Variants in SCRIB observed in about 807,000 individuals in gnomAD.
SCRIB encodes protein scribble homolog.
Under a neutral mutation model 170.0 loss-of-function variants are expected in SCRIB, and 72 were observed. That is an observed-to-expected ratio of 0.42 (90% CI 0.35 to 0.52). The LOEUF (loss-of-function observed/expected upper bound fraction) is 0.52, where lower values mean the gene tolerates loss of function less well. Among genes scored for constraint, SCRIB ranks in the 20% least tolerant of loss-of-function variants. SCRIB has a pLI of 0.02. For missense variants in SCRIB, 2,475 were observed against 2,338.5 expected, an observed-to-expected ratio of 1.06 and a Z score of -1.20; for synonymous variants, 1,298 against 1,044.3, an observed-to-expected ratio of 1.24 and a Z score of -4.68.
rs1816046413 is a variant in SCRIB at position 143,815,449 on chromosome 8, G to A, written c.-77C>T. 5 of 1,148,346 alleles carry A rather than the reference G, an allele frequency of 4.4e-6. No individual in the cohort carries two copies. Among genetic ancestry groups the A allele is most frequent in the Non-Finnish European group, 5.4e-6 (5 of 934,352 alleles). 71.1% of individuals were successfully genotyped at this position (1,148,346 alleles called of 1,614,324 possible). A position where few individuals can be genotyped will look rare whatever the true frequency, so the allele number is the denominator to read the frequency against. ...CCGGGGGGCGGGGCTCAGTCCGCATGGGCGCCGCGCATGGGGAGGGGGCGC... is the reference window on the plus strand; with the variant it reads ...CCGGGGGGCGGGGCTCAGTCCGCATAGGCGCCGCGCATGGGGAGGGGGCGC... On this transcript the variant is annotated 5_prime_UTR_variant, in exon 1 of 37. Transcript: ENST00000356994.
At chr8:143,814,751 C>A in intron 1 of SCRIB, 1 of 169,374 alleles carries the variant, frequency 5.9e-6, no homozygotes, top group Non-Finnish European at 1.3e-5. Flanking sequence ...AGCACCTGAC[C>A]ACGAGAAGCA....
chr8:143,791,968 C>A, intron 33 of SCRIB, 23 bp downstream of exon 33: 3 of 1,488,202 alleles, frequency 2.0e-6, no homozygotes, highest in Non-Finnish European at 2.7e-6. Flanking sequence ...GCTGACCCCC[C>A]CGACCTGCCC....
Position 143,812,262 on chromosome 8 carries a change from C to G in SCRIB, c.906+4G>C. ...TCCTTTCTGCCTCCCAAGCCAGACC[C>G]TACCATCAGCAGGTTCTCCGTGAGG... On this transcript the variant is annotated splice_donor_region_variant and intron_variant, in intron 9 of 36. Coordinates refer to ENST00000356994, the MANE Select transcript of SCRIB (RefSeq NM_182706.5). 1 of 1,589,992 alleles carries G rather than the reference C, an allele frequency of 6.3e-7. No homozygotes were observed. The highest frequency in any genetic ancestry group is 8.6e-7 in the Non-Finnish European group (1 of 1,158,092).
intron 24 of SCRIB, among the ~76,000 whole-genome samples, chr8:143,800,077 C>A (rs1815112585): frequency 7.3e-6 from 1 of 136,798 alleles, no homozygotes; most frequent in Admixed American, 7.7e-5. Flanking sequence ...ACAGATGGAC[C>A]TGTGGGAGCA....
intron 1 of SCRIB, 88 bp from the exon 2 acceptor site, chr8:143,814,206 A>G (rs2130159480): frequency 8.9e-7 from 1 of 1,117,716 alleles, no homozygotes; most frequent in African/African-American, 1.5e-5. Flanking sequence ...ACAAGTCAAG[A>G]GTCCCTAGGC....
chr8:143,808,817 C>T lies in SCRIB; in HGVS notation c.1907G>A (p.Gly636Glu). The T allele has an allele frequency of 6.2e-7, 1 of 1,612,164 alleles. No homozygotes were observed. Among genetic ancestry groups the T allele is most frequent in the East Asian group, 2.2e-5 (1 of 44,864 alleles). Residue 636 changes from glycine (G) to glutamate (E), a missense_variant, in exon 15 of 37, where the codon GGG becomes GAG. Coordinates refer to ENST00000356994, the MANE Select transcript of SCRIB (RefSeq NM_182706.5). ...VALLQGMQPD[G>E]EGPVAPGGWH... is the part of the protein sequence containing the mutation. ...GCCCCCGGGAGCCACAGGGCCCTCCCCATCAGGCTGCATGCCCTGCAGCAG... is the reference window on the plus strand; with the variant it reads ...GCCCCCGGGAGCCACAGGGCCCTCCTCATCAGGCTGCATGCCCTGCAGCAG...
Position 143,792,520 on chromosome 8 carries a change from C to T in SCRIB, c.4293G>A (p.Glu1431=). 3 of 1,555,872 alleles carry T rather than the reference C, an allele frequency of 1.9e-6. No individual in the cohort carries two copies. Among genetic ancestry groups the T allele is most frequent in the Non-Finnish European group, 1.7e-6 (2 of 1,157,364 alleles). Reference sequence around the variant, plus strand: ...GGCTCGGGCTGGCCCAGGGTGGCTGCTCATCCTCCTGTTCCTCCTCGCCCA... The same window carrying T: ...GGCTCGGGCTGGCCCAGGGTGGCTGTTCATCCTCCTGTTCCTCCTCGCCCA... ...ETLGEEEQED[E]QPPWASPSPT... The change falls in exon 31 of 37, where the codon GAG becomes GAA. Residue 1431 remains glutamate (E), a synonymous_variant. Coordinates refer to ENST00000356994, the MANE Select transcript of SCRIB (RefSeq NM_182706.5).
Position 143,804,551 on chromosome 8 carries a change from G to T in SCRIB, c.3009+17C>A, listed in dbSNP as rs781942367. The T allele has an allele frequency of 2.7e-6, 4 of 1,490,426 alleles. No individual in the cohort carries two copies. In the Admixed American group the frequency reaches 9.3e-5, roughly 35 times the overall value. 92.3% of individuals were successfully genotyped at this position (1,490,426 alleles called of 1,614,324 possible). ...GCTGAAGCTGGGTGGGTGCCTGGGT[G>T]GGGGCTTGTGTCTCACCTCCACTGG... is the stretch of plus-strand genomic sequence containing the variant. On this transcript the variant is annotated intron_variant, in intron 21 of 36. Coordinates refer to ENST00000356994, the MANE Select transcript of SCRIB (RefSeq NM_182706.5).
chr8:143,800,343 A>G (rs1316812512), intron 24 of SCRIB, among the ~76,000 whole-genome samples: 1 of 152,210 alleles, frequency 6.6e-6, no homozygotes, highest in African/African-American at 2.4e-5. Flanking sequence ...GTTGTAAGAG[A>G]GTCTACAGCA....
At chr8:143,808,442 T>TCCAAGCATGGA (rs1554637124) in intron 15 of SCRIB, among the ~76,000 whole-genome samples, 167 bp downstream of exon 15, 1 of 149,482 alleles carries the variant, frequency 6.7e-6, no homozygotes, top group Non-Finnish European at 1.5e-5. Context: ...AGGCCTGGGG[T>TCCAAGCATGGA]CTGGTGAGAG....
At chr8:143,797,131 G>A (rs894927619) in intron 24 of SCRIB, among the ~76,000 whole-genome samples, 20 of 152,238 alleles carry the variant, frequency 1.3e-4, no homozygotes, top group South Asian at 2.1e-4. Context: ...GAGAAGCCCA[G>A]CACATCCTGG....
At chr8:143,809,479 C>G (rs1255679973) in intron 14 of SCRIB, 72 bp downstream of exon 14, 10 of 1,527,790 alleles carry the variant, frequency 6.5e-6, no homozygotes, top group Non-Finnish European at 8.9e-6. Flanking sequence ...CCGATCCCAG[C>G]TGAGGCCCCG....
At position 143,791,227 on chromosome 8, in the gene SCRIB, G is replaced by A; in HGVS notation, c.4904C>T (p.Ala1635Val). 6.8e-7 allele frequency: 1 copy of A among 1,479,946 alleles called. No individual in the cohort carries two copies. Among genetic ancestry groups the A allele is most frequent in the East Asian group, 2.4e-5 (1 of 40,968 alleles). 91.7% of individuals were successfully genotyped at this position (1,479,946 alleles called of 1,614,324 possible). The stretch of plus-strand genomic sequence containing the variant: ...TACGGGGCGGCGGCTGCTGCACAGT[G>A]CCACATCTTCAGGGCCCACAGCGCC... ...SPGAVGPEDV[A>V]LCSSRRPVRP... Residue 1635 changes from alanine to valine, a missense_variant, in exon 37 of 37, where the codon GCA (alanine) becomes GTA (valine). By Grantham distance (64) the Ala-to-Val change is moderately conservative. This residue lies in a region of SCRIB where 1,966 missense variants were observed against 1,742.9 expected (regional missense o/e 1.13). Coordinates refer to ENST00000356994, the MANE Select transcript of SCRIB (RefSeq NM_182706.5).
chr8:143,815,607 A>G lies in SCRIB; in HGVS notation c.-235T>C. The G allele has an allele frequency of 1.0e-6, 1 of 981,316 alleles. No homozygotes were observed. 60.8% of individuals were successfully genotyped at this position (981,316 alleles called of 1,614,324 possible). On this transcript the variant is annotated 5_prime_UTR_variant, in exon 1 of 37. Coordinates refer to ENST00000356994, the MANE Select transcript of SCRIB (RefSeq NM_182706.5). The stretch of plus-strand genomic sequence containing the variant: ...GCCCGGCGGGTCTCAGACTCTTAGG[A>G]AGCGCGGGGAGCGGCGGCGGCGGCG...
chr8:143,803,237 G>T (rs920911806), intron 24 of SCRIB, 146 bp downstream of exon 24: 1 of 771,746 alleles, frequency 1.3e-6, no homozygotes, highest in Admixed American at 3.1e-5. Flanking sequence ...CAGCTCCCCA[G>T]CCCGCACGGC....
intron 10 of SCRIB, 36 bp downstream of exon 10, chr8:143,811,110 C>A: frequency 6.2e-7 from 1 of 1,604,458 alleles, no homozygotes; most frequent in Non-Finnish European, 8.5e-7. Context: ...GGCGTTGGGG[C>A]CACGGTTAGG....
rs782015294 is a variant in SCRIB, at chr8:143,793,921, G to C, written c.3888C>G (p.Pro1296=). The C allele has an allele frequency of 1.9e-6, 3 of 1,613,564 alleles. No homozygotes were observed. The highest frequency in any genetic ancestry group is 2.7e-5 in the African/African-American group (2 of 75,042). ...TCACCTGCTGGCCACTAGGGGAGCA[G>C]GGAGATTCAGCCATCTTCCCTCCAG... is the stretch of plus-strand genomic sequence containing the variant. The part of the protein sequence containing the change: ...GAAGGKMAES[P]CSPSGQQPPS... Residue 1296 remains proline (P), a synonymous_variant, in exon 28 of 37, where the codon CCC becomes CCG. Coordinates refer to ENST00000356994, the MANE Select transcript of SCRIB (RefSeq NM_182706.5).
intron 18 of SCRIB, among the ~76,000 whole-genome samples, chr8:143,806,087 C>T (rs1554636499): frequency 6.6e-6 from 1 of 152,152 alleles, no homozygotes; most frequent in East Asian, 1.9e-4. Flanking sequence ...AGGAGCGGCC[C>T]CTCCTGGAGA....
Position 143,811,279 on chromosome 8 carries a change from C to T in SCRIB, c.973G>A (p.Glu325Lys), listed in dbSNP as rs200060057. 65 of 1,612,438 alleles carry T rather than the reference C, an allele frequency of 4.0e-5. No homozygotes were observed. Among genetic ancestry groups the T allele is most frequent in the Admixed American group, 3.7e-4 (22 of 59,936 alleles). The change falls in exon 10 of 37, where the codon GAG becomes AAG. Residue 325 changes from glutamate to lysine, a missense_variant. By Grantham distance (56) the Glu-to-Lys change is moderately conservative. Transcript: ENST00000356994. ...CCCCCGATCTCGGGCGGCAGCGCCTCGAGGTGGTTCCGGTCCACGTTGAGG... is the reference window on the plus strand; with the variant it reads ...CCCCCGATCTCGGGCGGCAGCGCCTTGAGGTGGTTCCGGTCCACGTTGAGG... ...TNLNVDRNHL[E>K]ALPPEIGGCV...
Sources: allele counts gnomAD v4.1 joint callset (sites outside exome capture counted in the v4.1 genomes callset), GRCh38; gene constraint gnomAD v4.1.1; regional missense constraint gnomAD v4.1.1; transcripts MANE v1.5; gene names NCBI Gene and HGNC (gene_info 2026-07-23, HGNC 2026-07-21).